The following DTX1 variants were observed in gnomAD, a reference collection of about 807,000 sequenced individuals.
DTX1 encodes deltex E3 ubiquitin ligase 1.
In DTX1, 26 loss-of-function variants were observed where a neutral mutation model predicts 57.8. That is an observed-to-expected ratio of 0.45 (90% CI 0.33 to 0.62). The LOEUF (loss-of-function observed/expected upper bound fraction) is 0.62. DTX1 is among the 20% of genes least tolerant of loss of function. The pLI is 0.02. For missense variants in DTX1, 704 were observed against 895.3 expected, an observed-to-expected ratio of 0.79 and a Z score of 2.73; for synonymous variants, 398 against 394.1, an observed-to-expected ratio of 1.01 and a Z score of -0.12.
chr12:113,078,524 C>T (rs1046010319), intron 3 of DTX1, among the ~76,000 whole-genome samples: 24 of 152,288 alleles, frequency 1.6e-4, no homozygotes, highest in African/African-American at 5.8e-4. Context: ...ATGGGGAAAC[C>T]GAGGCTAGGA....
chr12:113,065,760 G>A (rs1019464915), intron 2 of DTX1, among the ~76,000 whole-genome samples: 1 of 152,104 alleles, frequency 6.6e-6, no homozygotes, highest in Non-Finnish European at 1.5e-5. Flanking sequence ...AGATGATGGA[G>A]GGTGTGATGA....
chr12:113,083,578 G>A (rs915310073), intron 3 of DTX1, among the ~76,000 whole-genome samples: 3 of 152,142 alleles, frequency 2.0e-5, no homozygotes, highest in Admixed American at 6.5e-5. Context: ...CACCCACCTC[G>A]GCCTCCCGAA....
rs148965512 is a variant in DTX1, at chr12:113,094,876, G to A, written c.1315G>A (p.Gly439Ser). Residue 439 changes from glycine to serine, a missense_variant, in exon 7 of 10, where the codon GGC (glycine) becomes AGC (serine). By Grantham distance (56) the Gly-to-Ser change is moderately conservative. Transcript: ENST00000548759. ...RHKGVRPELV[G>S]RLGRCGHMYH... ...CAAGGGCGTGCGGCCTGAGCTCGTG[G>A]GCCGCCTGGGCCGCTGTGGCCACAT... The A allele has an allele frequency of 5.6e-6, 9 of 1,613,566 alleles. No homozygotes were observed. The highest frequency in any genetic ancestry group is 1.1e-5 in the South Asian group (1 of 91,074).
At chr12:113,073,209 A>T (rs1272358186) in intron 2 of DTX1, among the ~76,000 whole-genome samples, 1 of 152,168 alleles carries the variant, frequency 6.6e-6, no homozygotes, top group African/African-American at 2.4e-5. Flanking sequence ...CTTCAGGCAC[A>T]TCAGCCTTGA....
rs534048950 is a variant in DTX1 at position 113,066,509 on chromosome 12, C to T, written c.259+8058C>T. Among the ~76,000 whole-genome samples, 48 of 148,700 alleles carry T rather than the reference C, an allele frequency of 3.2e-4. 1 individual carries two copies. The South Asian group carries it at 4.9e-3, about 15-fold the overall frequency. On this transcript the variant is annotated intron_variant, in intron 2 of 9. Coordinates refer to ENST00000548759, the MANE Select transcript of DTX1 (RefSeq NM_004416.3). ...AGCCATTGCACTCCAGCCTGAGTAA[C>T]AGAGTGAGACTCCGTCTCAAAAAAA...
Position 113,060,573 on chromosome 12 carries a change from T to C in DTX1, c.259+2122T>C, listed in dbSNP as rs577166535. Reference sequence around the variant, plus strand: ...ACATTTAAGTCCGTTCTGTTTGGGATGCATCTCCCACCAAGGGGAAGATGG... The same window carrying C: ...ACATTTAAGTCCGTTCTGTTTGGGACGCATCTCCCACCAAGGGGAAGATGG... On this transcript the variant is annotated intron_variant, in intron 2 of 9. Coordinates refer to ENST00000548759, the MANE Select transcript of DTX1 (RefSeq NM_004416.3). Among the ~76,000 whole-genome samples, 6 of 152,244 alleles carry C rather than the reference T, an allele frequency of 3.9e-5. No individual in the cohort carries two copies. In the South Asian group the frequency reaches 1.0e-3, roughly 26 times the overall value.
In DTX1 at chr12:113,093,483, C is replaced by T; in HGVS notation, c.1004-56C>T. 3.8e-6 allele frequency: 5 copies of T among 1,322,206 alleles called. No individual in the cohort carries two copies. Among genetic ancestry groups the T allele is most frequent in the Non-Finnish European group, 4.0e-6 (4 of 989,810 alleles). The allele number at this position is 1,322,206 out of a possible 1,614,324, so 81.9% of individuals were successfully genotyped here. On this transcript the variant is annotated intron_variant, in intron 4 of 9. Coordinates refer to ENST00000548759, the MANE Select transcript of DTX1 (RefSeq NM_004416.3). The surrounding 1 kb of genome is among the most constrained non-coding windows in gnomAD (Gnocchi z 4.2). ...CCCCGGGATTCCCAGGGCCAGTGGT[C>T]GGGGGTTTGGGCGGGGATGGCGCCC...
chr12:113,084,640 C>A (rs1436799075), intron 3 of DTX1, among the ~76,000 whole-genome samples: 1 of 152,258 alleles, frequency 6.6e-6, no homozygotes, highest in Non-Finnish European at 1.5e-5. Flanking sequence ...TCGCCTTGGC[C>A]TCCCAAAGCA....
intron 2 of DTX1, among the ~76,000 whole-genome samples, chr12:113,070,424 A>G (rs1489537452): frequency 6.6e-6 from 1 of 152,154 alleles, no homozygotes; most frequent in African/African-American, 2.4e-5. Flanking sequence ...CCAAACTGAG[A>G]TCACTTCCCT....
chr12:113,087,060 C>T (rs978773383), intron 3 of DTX1, among the ~76,000 whole-genome samples: 2 of 152,046 alleles, frequency 1.3e-5, no homozygotes, highest in African/African-American at 4.8e-5. Context: ...TCCTCCCTGC[C>T]CCCAACCATC....
chr12:113,086,288 G>A (rs2044856692), intron 3 of DTX1, among the ~76,000 whole-genome samples: 2 of 152,050 alleles, frequency 1.3e-5, no homozygotes, highest in Non-Finnish European at 2.9e-5. Context: ...AAAAGAACTG[G>A]GGGAAGAGCA....
intron 2 of DTX1, among the ~76,000 whole-genome samples, chr12:113,059,108 G>A (rs1334757127): frequency 2.0e-5 from 3 of 152,120 alleles, no homozygotes; most frequent in Admixed American, 2.0e-4. Flanking sequence ...CAATGATGGA[G>A]GAGACAGTGT....
chr12:113,090,461 C>T (rs570645674), intron 3 of DTX1, among the ~76,000 whole-genome samples: 1 of 152,306 alleles, frequency 6.6e-6, no homozygotes, highest in East Asian at 1.9e-4. Context: ...CATCCCTGCG[C>T]CAAATGATGA....
chr12:113,097,061 C>T lies in DTX1; in HGVS notation c.*122C>T. 1 of 1,117,340 alleles carries T rather than the reference C, an allele frequency of 8.9e-7. No homozygotes were observed. The highest frequency in any genetic ancestry group is 1.6e-5 in the South Asian group (1 of 61,234). 69.2% of individuals were successfully genotyped at this position (1,117,340 alleles called of 1,614,324 possible). A position where few individuals can be genotyped will look rare whatever the true frequency, so the allele number is the denominator to read the frequency against. ...GAGGAGCCTGCGGAAGGGGCCGCAGCCATTCAGGGGACCTGCCTGGTGGCA... is the reference window on the plus strand; with the variant it reads ...GAGGAGCCTGCGGAAGGGGCCGCAGTCATTCAGGGGACCTGCCTGGTGGCA... On this transcript the variant is annotated 3_prime_UTR_variant, in exon 10 of 10. Transcript: ENST00000548759.
intron 3 of DTX1, among the ~76,000 whole-genome samples, chr12:113,079,693 A>T (rs968596647): frequency 6.0e-5 from 6 of 100,492 alleles, no homozygotes; most frequent in Non-Finnish European, 1.3e-4. Flanking sequence ...ATTCCCGGCT[A>T]CTGTGTGTGT....
chr12:113,086,315 A>C (rs996274235), intron 3 of DTX1, among the ~76,000 whole-genome samples: 1 of 151,636 alleles, frequency 6.6e-6, no homozygotes, highest in African/African-American at 2.4e-5. Context: ...CATGCCAGAC[A>C]GCAGAACAGC....
At chr12:113,094,761 C>T in intron 6 of DTX1, 28 bp from the exon 7 acceptor site, 2 of 1,605,234 alleles carry the variant, frequency 1.2e-6, no homozygotes, top group South Asian at 2.2e-5. Context: ...CCTCCCCAGT[C>T]CTCAGTCTCC....
intron 3 of DTX1, among the ~76,000 whole-genome samples, chr12:113,080,243 G>A (rs983811589): frequency 3.9e-5 from 6 of 152,194 alleles, no homozygotes; most frequent in African/African-American, 1.4e-4. Flanking sequence ...AGACCCCTTG[G>A]GGAAGCCTTG....
chr12:113,094,988 C>T (rs376728200), intron 7 of DTX1, 41 bp downstream of exon 7: 218 of 1,605,108 alleles, frequency 1.4e-4, no homozygotes, highest in East Asian at 5.6e-4. Flanking sequence ...GGGCAGGGAA[C>T]GGAGTGGGGT....
Sources: allele counts gnomAD v4.1 joint callset (sites outside exome capture counted in the v4.1 genomes callset), GRCh38; gene constraint gnomAD v4.1.1; non-coding constraint Gnocchi (gnomAD v3.1); transcripts MANE v1.5; gene names NCBI Gene and HGNC (gene_info 2026-07-23, HGNC 2026-07-21).